MX1: variants seen among roughly 807,000 people sequenced by gnomAD.
MX1 encodes MX dynamin like GTPase 1.
Under a neutral mutation model 66.4 loss-of-function variants are expected in MX1, and 66 were observed. The observed-to-expected ratio is 0.99, with a 90% CI of 0.82 to 1.22. The LOEUF is 1.22. Among genes scored for constraint, MX1 ranks in the 50% most tolerant of loss-of-function variants. The pLI is 0.00. For synonymous variants in MX1, 311 were observed against 318.1 expected, an observed-to-expected ratio of 0.98 and a Z score of 0.24; for missense variants, 787 against 834.3, an observed-to-expected ratio of 0.94 and a Z score of 0.70.
Position 41,432,164 on chromosome 21 carries a change from A to G in MX1, c.94A>G (p.Asn32Asp), listed in dbSNP as rs1052002845. The G allele has an allele frequency of 6.2e-7, 1 of 1,614,036 alleles. No individual in the cohort carries two copies. Among genetic ancestry groups the G allele is most frequent in the Non-Finnish European group, 8.5e-7 (1 of 1,180,032 alleles). Residue 32 changes from asparagine to aspartate, a missense_variant, in exon 5 of 17, where the codon AAT becomes GAT. Asn to Asp is a conservative substitution (Grantham distance 23). Coordinates refer to ENST00000398598, the MANE Select transcript of MX1 (RefSeq NM_002462.5). Reference protein sequence around the residue: ...LNGDATVAQKNPGSVAENNLC... With the variant: ...LNGDATVAQKDPGSVAENNLC... ...TGGAGATGCTACTGTGGCCCAGAAA[A>G]ATCCAGGCTCGGTAAGTTGCTCTCT...
intron 10 of MX1, among the ~76,000 whole-genome samples, chr21:41,442,913 TCA>T (rs2090558554): frequency 6.6e-6 from 1 of 152,130 alleles, no homozygotes; most frequent in Non-Finnish European, 1.5e-5. Context: ...GTAGTCAGAT[TCA>T]TAGAGACAGA....
chr21:41,427,000 G>A, intron 1 of MX1: 1 of 152,492 alleles, frequency 6.6e-6, no homozygotes, highest in Non-Finnish European at 1.5e-5. Context: ...AGGAGCCCGG[G>A]CACAGCTGAG....
chr21:41,445,672 C>A, intron 12 of MX1, 102 bp downstream of exon 12: 1 of 1,502,410 alleles, frequency 6.7e-7, no homozygotes, highest in Non-Finnish European at 9.0e-7. Flanking sequence ...CAAGGCTGAT[C>A]CAAAGACATC....
At chr21:41,443,424 G>T in intron 10 of MX1, 1 of 190,472 alleles carries the variant, frequency 5.3e-6, no homozygotes, top group Admixed American at 5.8e-5. Context: ...ATGAAGATAT[G>T]TCTGTATCCA....
chr21:41,432,972 G>C (rs1399294243), intron 5 of MX1, among the ~76,000 whole-genome samples: 1 of 152,214 alleles, frequency 6.6e-6, no homozygotes, highest in Non-Finnish European at 1.5e-5. Context: ...TTCCGTCCCT[G>C]GTGCGTCTCT....
chr21:41,458,019 T>A (rs777546541), intron 16 of MX1, among the ~76,000 whole-genome samples: 10 of 152,132 alleles, frequency 6.6e-5, no homozygotes, highest in Non-Finnish European at 1.2e-4. Flanking sequence ...TATTTATTAT[T>A]ATGAGACAGA....
chr21:41,441,196 C>T lies in MX1; in HGVS notation c.730+171C>T, dbSNP rs902412618. ...GTGGTCTGCCAGTGGGCAAGCGTCC[C>T]TCCAGTCTCCATGGGCTTTGCTCAG... On this transcript the variant is annotated intron_variant, in intron 9 of 16. Transcript: ENST00000398598. The surrounding 1 kb of genome is among the most constrained non-coding windows in gnomAD (Gnocchi z 4.0). 3 of 987,108 alleles carry T rather than the reference C, an allele frequency of 3.0e-6. No individual in the cohort carries two copies. The highest frequency in any genetic ancestry group is 3.2e-5 in the African/African-American group (2 of 61,706). 61.1% of individuals were successfully genotyped at this position (987,108 alleles called of 1,614,324 possible). A position where few individuals can be genotyped will look rare whatever the true frequency, so the allele number is the denominator to read the frequency against.
In MX1 at chr21:41,458,750, C is replaced by CCCGGTTAA. The variant is rs199916658; in HGVS notation, c.1984_*2dup. 1,691 of 1,611,748 alleles carry CCCGGTTAA rather than the reference C, an allele frequency of 1.0e-3. 15 individuals carry two copies. In the African/African-American group the frequency reaches 0.019, roughly 18 times the overall value. ...GGCTCGGCGCCGGCTTGCCCAGTTC[C>CCCGGTTAA]CCGGTTAACCACACTCTGTCCAGCC... On this transcript the variant is annotated stop_gained and frameshift_variant, in exon 17 of 17. Coordinates refer to ENST00000398598, the MANE Select transcript of MX1 (RefSeq NM_002462.5). LOFTEE classifies it high-confidence loss of function.
chr21:41,457,721 T>C (rs2090991766), intron 16 of MX1, among the ~76,000 whole-genome samples: 1 of 152,190 alleles, frequency 6.6e-6, no homozygotes, highest in South Asian at 2.1e-4. Flanking sequence ...TATTTTGCCA[T>C]CTTAACCATT....
Position 41,427,251 on chromosome 21 carries a change from C to A in MX1, c.-263C>A, listed in dbSNP as rs972555598. On this transcript the variant is annotated 5_prime_UTR_variant, in exon 2 of 17. Transcript: ENST00000398598. ...CCAGGAATCCCAGTGTCACGGTGGA[C>A]ACGCCTCCCTCGCGCCCTTGCCGCC... 8.5e-5 allele frequency: 13 copies of A among 152,280 alleles called. No individual in the cohort carries two copies. The highest frequency in any genetic ancestry group is 3.1e-4 in the African/African-American group (13 of 41,462). The allele number at this position is 152,280 out of a possible 1,614,324, so 9.4% of individuals were successfully genotyped here. A position where few individuals can be genotyped will look rare whatever the true frequency, so the allele number is the denominator to read the frequency against.
rs2090491561 is a variant in MX1, at chr21:41,441,020, C to A, written c.725C>A (p.Thr242Asn). The A allele has an allele frequency of 1.2e-6, 2 of 1,613,278 alleles. No homozygotes were observed. Among genetic ancestry groups the A allele is most frequent in the Admixed American group, 3.3e-5 (2 of 59,980 alleles). The change falls in exon 9 of 17, where the codon ACC (threonine) becomes AAC (asparagine). Residue 242 changes from threonine to asparagine, a missense_variant. Coordinates refer to ENST00000398598, the MANE Select transcript of MX1 (RefSeq NM_002462.5). The surrounding 1 kb of genome is among the most constrained non-coding windows in gnomAD (Gnocchi z 4.0). ...AQEVDPEGDR[T>N]IGILTKPDLV... is the part of the protein sequence containing the mutation. ...GAGGTGGACCCCGAGGGAGACAGGA[C>A]CATCGGTGAGAGTGGGGGAGCCCCA...
At chr21:41,433,645 A>C (rs2090284209) in intron 5 of MX1, among the ~76,000 whole-genome samples, 1 of 152,226 alleles carries the variant, frequency 6.6e-6, no homozygotes, top group Non-Finnish European at 1.5e-5. Context: ...ATAGGTGGCA[A>C]AACTATAAAG....
chr21:41,451,561 G>A (rs1289755018), intron 15 of MX1, among the ~76,000 whole-genome samples: 1 of 152,114 alleles, frequency 6.6e-6, no homozygotes, highest in African/African-American at 2.4e-5. Context: ...TGGCCCGAGT[G>A]GGCATGATGA....
chr21:41,450,671 T>C (rs556307314), intron 14 of MX1, among the ~76,000 whole-genome samples: 3 of 151,654 alleles, frequency 2.0e-5, no homozygotes, highest in Admixed American at 6.6e-5. Flanking sequence ...CAATAAGAGG[T>C]TTTCAATCAT....
At chr21:41,420,761 G>C (rs1006227219) in exon 1 of MX1, 4 of 152,286 alleles carry the variant, frequency 2.6e-5, no homozygotes, top group Non-Finnish European at 5.9e-5. Context: ...GTGGGCCTGG[G>C]GTTGCCGGTT....
At position 41,430,561 on chromosome 21, in the gene MX1, C is replaced by T. The variant is rs549115556; in HGVS notation, c.-69C>T. On this transcript the variant is annotated 5_prime_UTR_variant, in exon 4 of 17. Coordinates refer to ENST00000398598, the MANE Select transcript of MX1 (RefSeq NM_002462.5). ...GTGCAGGAGAACAGCTCTGTGATAC[C>T]ATTTAACTTGTTGACATTACTTTTA... 7.2e-5 allele frequency: 11 copies of T among 152,156 alleles called. No individual in the cohort carries two copies. The highest frequency in any genetic ancestry group is 6.5e-4 in the Admixed American group (10 of 15,288). The allele number at this position is 152,156 out of a possible 1,614,324, so 9.4% of individuals were successfully genotyped here. A position where few individuals can be genotyped will look rare whatever the true frequency, so the allele number is the denominator to read the frequency against.
intron 2 of MX1, 136 bp from the exon 3 acceptor site, chr21:41,427,619 T>A (rs2090097591): frequency 6.6e-6 from 1 of 152,226 alleles, no homozygotes; most frequent in Admixed American, 6.5e-5. Context: ...TGGTCCTTAT[T>A]AGGAGTTTTG....
chr21:41,453,936 G>A (rs2090897596), intron 16 of MX1, among the ~76,000 whole-genome samples: 1 of 152,164 alleles, frequency 6.6e-6, no homozygotes, highest in Non-Finnish European at 1.5e-5. Flanking sequence ...AAGGTATGTA[G>A]ATGAAGACTC....
At chr21:41,456,205 CTGCACTCCAGCCTGGGTG>C (rs1263123305) in intron 16 of MX1, among the ~76,000 whole-genome samples, 3 of 152,220 alleles carry the variant, frequency 2.0e-5, no homozygotes, top group Non-Finnish European at 2.9e-5. Flanking sequence ...GATCACACCA[CTGCACTCCAGCCTGGGTG>C]ACAGAGCGAG....
Sources: allele counts gnomAD v4.1 joint callset (sites outside exome capture counted in the v4.1 genomes callset), GRCh38; gene constraint gnomAD v4.1.1; non-coding constraint Gnocchi (gnomAD v3.1); transcripts MANE v1.5; gene names NCBI Gene and HGNC (gene_info 2026-07-23, HGNC 2026-07-21).